Variants in GRID2 observed in about 807,000 individuals in gnomAD.
GRID2 encodes glutamate ionotropic receptor delta type subunit 2.
GRID2 carries 33 observed loss-of-function variants against 114.8 expected under a neutral mutation model. That is an observed-to-expected ratio of 0.29 (90% CI 0.22 to 0.38). The LOEUF (loss-of-function observed/expected upper bound fraction) is 0.38, where lower values mean the gene tolerates loss of function less well. GRID2 is among the 10% of genes least tolerant of loss of function. The pLI, the probability that GRID2 is intolerant of heterozygous loss-of-function variation, is 1.00. For synonymous variants in GRID2, 505 were observed against 449.9 expected, an observed-to-expected ratio of 1.12 and a Z score of -1.55; for missense variants, 1,184 against 1,257.7, an observed-to-expected ratio of 0.94 and a Z score of 0.89.
chr4:93,335,285 G>A (rs17020445), intron 8 of GRID2, among the ~76,000 whole-genome samples: 38,456 of 152,074 alleles, frequency 0.25, 8,149 homozygotes, highest in African/African-American at 0.58. Context: ...CAGGAAGATG[G>A]ACTTTTGCCC....
At chr4:93,723,605 A>G (rs1402917814) in intron 14 of GRID2, among the ~76,000 whole-genome samples, 1 of 152,216 alleles carries the variant, frequency 6.6e-6, no homozygotes, top group East Asian at 1.9e-4. Context: ...AATTCTATTT[A>G]AGATAATTTT....
chr4:92,917,781 C>T (rs563958827), intron 2 of GRID2, among the ~76,000 whole-genome samples: 42 of 152,178 alleles, frequency 2.8e-4, no homozygotes, highest in Non-Finnish European at 4.9e-4. Context: ...AGTCAGGTAG[C>T]GTGATGCCTC....
chr4:93,442,981 G>A (rs756706980), intron 10 of GRID2, among the ~76,000 whole-genome samples: 24 of 151,764 alleles, frequency 1.6e-4, no homozygotes, highest in Non-Finnish European at 2.2e-4. Flanking sequence ...TCTCTGTCAC[G>A]CCTTATATAC....
chr4:93,302,225 GTAT>G (rs1240734997), intron 8 of GRID2, among the ~76,000 whole-genome samples: 3 of 152,112 alleles, frequency 2.0e-5, no homozygotes, highest in Admixed American at 6.5e-5. Flanking sequence ...GCTGTTCAAA[GTAT>G]TATTATCAAG....
At chr4:93,541,123 C>T (rs1732607205) in intron 13 of GRID2, among the ~76,000 whole-genome samples, 1 of 152,004 alleles carries the variant, frequency 6.6e-6, no homozygotes, top group African/African-American at 2.4e-5. Flanking sequence ...GAGAAAACAG[C>T]CTAACTCAGT....
rs372161362 is a variant in GRID2 at position 92,384,433 on chromosome 4, AATATATATATATATATATATAT to A, written c.88+79714_88+79735del. Among the ~76,000 whole-genome samples, 288 of 30,262 alleles carry A rather than the reference AATATATATATATATATATATAT, an allele frequency of 9.5e-3. 5 individuals carry two copies. The highest frequency in any genetic ancestry group is 0.042 in the East Asian group (90 of 2,146). The allele number at this position is 30,262 out of a possible 152,430, so 19.9% of individuals were successfully genotyped here. On this transcript the variant is annotated intron_variant, in intron 1 of 15. Transcript: ENST00000282020. ...AGAAGTGTACCTGTGTGTGTGTAGGAATATATATATATATATATATATATATATATATATATATATATATATT... is the reference window on the plus strand; with the variant it reads ...AGAAGTGTACCTGTGTGTGTGTAGGAATATATATATATATATATATATATT...
chr4:92,794,347 C>T (rs978803301), intron 2 of GRID2, among the ~76,000 whole-genome samples: 3 of 151,804 alleles, frequency 2.0e-5, no homozygotes, highest in Non-Finnish European at 4.4e-5. Context: ...TTATAACACC[C>T]TATCACCCTG....
At chr4:92,979,448 T>C (rs1050402420) in intron 2 of GRID2, among the ~76,000 whole-genome samples, 3 of 152,082 alleles carry the variant, frequency 2.0e-5, no homozygotes, top group Admixed American at 6.6e-5. Context: ...TTGGTAGGCA[T>C]GTAAAATCTC....
At chr4:92,632,477 A>G (rs1442028044) in intron 2 of GRID2, among the ~76,000 whole-genome samples, 1 of 152,070 alleles carries the variant, frequency 6.6e-6, no homozygotes, top group Non-Finnish European at 1.5e-5. Flanking sequence ...CTACTAAAAT[A>G]CAAAAATGAG....
At chr4:93,054,680 C>T (rs926313541) in intron 2 of GRID2, among the ~76,000 whole-genome samples, 1 of 151,816 alleles carries the variant, frequency 6.6e-6, no homozygotes, top group African/African-American at 2.4e-5. Flanking sequence ...GGTAGAGTCT[C>T]TTCAATATTA....
chr4:92,995,045 G>A (rs1755116267), intron 2 of GRID2, among the ~76,000 whole-genome samples: 1 of 152,120 alleles, frequency 6.6e-6, no homozygotes, highest in Non-Finnish European at 1.5e-5. Context: ...GTCCTTGGAG[G>A]AATAAAAGGT....
At chr4:93,766,835 A>G (rs985440068) in intron 14 of GRID2, among the ~76,000 whole-genome samples, 1 of 152,160 alleles carries the variant, frequency 6.6e-6, no homozygotes, top group Admixed American at 6.6e-5. Context: ...GTGCTATTCT[A>G]TGAAAATTTT....
At chr4:92,505,225 G>A (rs992383776) in intron 1 of GRID2, among the ~76,000 whole-genome samples, 2 of 151,910 alleles carry the variant, frequency 1.3e-5, no homozygotes, top group African/African-American at 4.8e-5. Context: ...CAATCATAAT[G>A]TAAGCCCACT....
chr4:93,231,354 G>C (rs950065109), intron 7 of GRID2, among the ~76,000 whole-genome samples: 2 of 135,932 alleles, frequency 1.5e-5, no homozygotes, highest in Non-Finnish European at 3.1e-5. Context: ...AATGTACTGT[G>C]CAAACTCATT....
chr4:93,583,259 G>C (rs915442599), intron 13 of GRID2, among the ~76,000 whole-genome samples: 1 of 151,970 alleles, frequency 6.6e-6, no homozygotes, highest in Non-Finnish European at 1.5e-5. Context: ...TTTCGAGGGG[G>C]GCACTATTTA....
chr4:92,469,407 G>A (rs967074657), intron 1 of GRID2, among the ~76,000 whole-genome samples: 2 of 151,986 alleles, frequency 1.3e-5, no homozygotes, highest in African/African-American at 2.4e-5. Context: ...ATGTAGAATG[G>A]TATCACTGTA....
intron 2 of GRID2, among the ~76,000 whole-genome samples, chr4:92,907,938 G>T (rs1010466270): frequency 6.6e-6 from 1 of 152,020 alleles, no homozygotes; most frequent in Admixed American, 6.6e-5. Context: ...CAGGAGAATC[G>T]CTTGAATCCG....
intron 4 of GRID2, among the ~76,000 whole-genome samples, chr4:93,123,671 G>A (rs1733997797): frequency 6.6e-6 from 1 of 152,004 alleles, no homozygotes; most frequent in Non-Finnish European, 1.5e-5. Context: ...TGAGAATAAA[G>A]AAAACAAAGT....
chr4:92,751,472 G>T (rs984057176), intron 2 of GRID2, among the ~76,000 whole-genome samples: 2 of 151,826 alleles, frequency 1.3e-5, no homozygotes, highest in Non-Finnish European at 2.9e-5. Context: ...AGTCCAAAAA[G>T]GCTGTTTGAT....
Sources: gnomAD v4.1 joint callset for allele counts (sites outside exome capture counted in the v4.1 genomes callset) on GRCh38, gnomAD v4.1.1 for gene constraint, MANE v1.5 for transcripts, NCBI Gene and HGNC (gene_info 2026-07-23, HGNC 2026-07-21) for gene names.